ZP4: variants seen among roughly 807,000 people sequenced by gnomAD.
The protein encoded by ZP4 is zona pellucida sperm-binding protein 4.
In ZP4, 62 loss-of-function variants were observed where a neutral mutation model predicts 62.3. The ratio of observed to expected loss-of-function variants is 0.99; its 90% CI spans 0.81 to 1.23. The LOEUF is 1.23. ZP4 is among the 50% of genes most tolerant of loss of function. The probability of loss-of-function intolerance (pLI) is 0.00; values close to 1 mark genes in which losing one functional copy is unlikely to be tolerated. For synonymous variants in ZP4, 289 were observed against 247.3 expected (o/e 1.17, Z -1.58); for missense variants, 774 against 656.0 (o/e 1.18, Z -1.97).
chr1:237,883,670 AGGGCGGGGGAGGGCGGGGGAGGGCG>A (rs1664977686), intron 10 of ZP4, among the ~76,000 whole-genome samples: 1 of 3,752 alleles, frequency 2.7e-4, no homozygotes, highest in Non-Finnish European at 5.2e-4. Context: ...GGGCCGGGGG[AGGGCGGGGGAGGGCGGGGGAGGGCG>A]GGGGAGGGCG....
In ZP4 at chr1:237,890,536, A is replaced by C. The variant is rs1170716305; in HGVS notation, c.100T>G (p.Cys34Gly). 8.1e-6 allele frequency: 13 copies of C among 1,614,018 alleles called. No individual in the cohort carries two copies. The highest frequency in any genetic ancestry group is 1.1e-5 in the Non-Finnish European group (13 of 1,180,030). ...GCAAACTGGAAGCTCCACGGCCCAC[A>C]GTGGAGCACACTGGAATAATCTGGT... ...EAPDYSSVLH[C>G]GPWSFQFAVN... The change falls in exon 1 of 12, where the codon TGT becomes GGT. Residue 34 changes from cysteine to glycine, a missense_variant. Transcript: ENST00000366570.
chr1:237,887,307 T>C, intron 5 of ZP4, 67 bp downstream of exon 5: 1 of 1,549,638 alleles, frequency 6.5e-7, no homozygotes, highest in South Asian at 1.2e-5. Context: ...ATTTCAGCTC[T>C]CCCCCACTAG....
chr1:237,882,700 A>G, intron 11 of ZP4, 42 bp downstream of exon 11: 1 of 1,604,128 alleles, frequency 6.2e-7, no homozygotes, highest in Middle Eastern at 1.7e-4. Context: ...TTGATTAGTA[A>G]TTTAGTTCAC....
intron 10 of ZP4, among the ~76,000 whole-genome samples, chr1:237,883,998 ACACAC>A (rs1665019437): frequency 2.4e-5 from 2 of 82,320 alleles, no homozygotes; most frequent in African/African-American, 1.0e-4. Context: ...ACACACACAC[ACACAC>A]ACACACACAC....
chr1:237,885,580 T>C lies in ZP4; in HGVS notation c.971A>G (p.Asp324Gly). The change falls in exon 8 of 12, where the codon GAT (aspartate) becomes GGT (glycine). Residue 324 changes from aspartate (D) to glycine (G), a missense_variant and splice_region_variant. Asp to Gly is a moderately conservative substitution (Grantham distance 94). Transcript: ENST00000366570. ...PLTLELQIAKDKNYGSYYGVG... is the reference protein window; with the variant it reads ...PLTLELQIAKGKNYGSYYGVG... ...ACCGTAGTAAGAGCCATAGTTTTTA[T>C]CTGCAAGAGGCAGAAATAAGGATTT... is the stretch of plus-strand genomic sequence containing the variant. 1 of 1,612,558 alleles carries C rather than the reference T, an allele frequency of 6.2e-7. No individual in the cohort carries two copies. The highest frequency in any genetic ancestry group is 1.3e-5 in the African/African-American group (1 of 74,988).
rs767120731 is a variant in ZP4 at position 237,885,738 on chromosome 1, C to T, written c.970+18G>A. 25 of 1,613,420 alleles carry T rather than the reference C, an allele frequency of 1.5e-5. No homozygotes were observed. In the South Asian group the frequency reaches 2.1e-4, roughly 13 times the overall value. On this transcript the variant is annotated intron_variant, in intron 7 of 11. Transcript: ENST00000366570. ...GATTTAGACTATAGGCCAGATACTC[C>T]AGCCAAGGGGGTCATACCTTTGGCA...
intron 10 of ZP4, among the ~76,000 whole-genome samples, chr1:237,884,059 CACAA>C (rs1222206868): frequency 2.1e-4 from 30 of 141,784 alleles, no homozygotes; most frequent in African/African-American, 7.5e-4. Flanking sequence ...CACAAACACA[CACAA>C]ACACACACAA....
At chr1:237,890,409 G>A in intron 1 of ZP4, 52 bp downstream of exon 1, 2 of 1,569,696 alleles carry the variant, frequency 1.3e-6, no homozygotes, top group Non-Finnish European at 1.7e-6. Context: ...ATCTTAGGTA[G>A]TAGAGGAGAC....
At position 237,890,536 on chromosome 1, in the gene ZP4, A is replaced by G. The variant is rs1170716305; in HGVS notation, c.100T>C (p.Cys34Arg). 1 of 1,614,136 alleles carries G rather than the reference A, an allele frequency of 6.2e-7. No homozygotes were observed. Among genetic ancestry groups the G allele is most frequent in the Admixed American group, 1.7e-5 (1 of 60,022 alleles). The change falls in exon 1 of 12, where the codon TGT (cysteine) becomes CGT (arginine). Residue 34 changes from cysteine to arginine, a missense_variant. Transcript: ENST00000366570. ...EAPDYSSVLH[C>R]GPWSFQFAVN... ...GCAAACTGGAAGCTCCACGGCCCAC[A>G]GTGGAGCACACTGGAATAATCTGGT...
Position 237,886,809 on chromosome 1 carries a change from ATT to A in ZP4, c.799_800del (p.Asn267TrpfsTer9). ...CACGAGTGACAGAGCCACGGCTCCC[ATT>A]TTTCACATCCCTAGTTGCCACCAGT... ...NELVATRDVK[N>X]GSRGSVTRDS... is the part of the protein sequence containing the mutation. On this transcript the variant is annotated frameshift_variant, in exon 6 of 12. Transcript: ENST00000366570. LOFTEE classifies it high-confidence loss of function. The A allele has an allele frequency of 6.2e-7, 1 of 1,613,952 alleles. No homozygotes were observed. The highest frequency in any genetic ancestry group is 8.5e-7 in the Non-Finnish European group (1 of 1,179,982).
chr1:237,882,477 A>G lies in ZP4; in HGVS notation c.1568T>C (p.Val523Ala), dbSNP rs1470722753. 1 of 1,610,032 alleles carries G rather than the reference A, an allele frequency of 6.2e-7. No individual in the cohort carries two copies. Among genetic ancestry groups the G allele is most frequent in the Non-Finnish European group, 8.5e-7 (1 of 1,179,140 alleles). ...CTGTTTCTTGACAGCCAAGTAGGATACTAACAAGGCTCCAAGGATTAAGGT... is the reference window on the plus strand; with the variant it reads ...CTGTTTCTTGACAGCCAAGTAGGATGCTAACAAGGCTCCAAGGATTAAGGT... ...SGTLILGALL[V>A]SYLAVKKQKS... Residue 523 changes from valine (V) to alanine (A), a missense_variant, in exon 12 of 12, where the codon GTA becomes GCA. By Grantham distance (64) the Val-to-Ala change is moderately conservative. Coordinates refer to ENST00000366570, the MANE Select transcript of ZP4 (RefSeq NM_021186.5).
chr1:237,890,048 T>C lies in ZP4; in HGVS notation c.297+7A>G, dbSNP rs1665203291. 6.2e-7 allele frequency: 1 copy of C among 1,614,140 alleles called. No individual in the cohort carries two copies. On this transcript the variant is annotated splice_region_variant and intron_variant, in intron 2 of 11. Transcript: ENST00000366570. ...CACAGTCTCCCTGGCCATTGGGTCA[T>C]ACTCACCCACTCAGTGACATAGCAG...
At position 237,884,057 on chromosome 1, in the gene ZP4, C is replaced by CACACAA. The variant is rs1338900929; in HGVS notation, c.1390+706_1390+711dup. ...AAACACACACAAACACACACAAACA[C>CACACAA]ACACAAACACACACAAACACACACA... is the stretch of plus-strand genomic sequence containing the variant. On this transcript the variant is annotated intron_variant, in intron 10 of 11. Transcript: ENST00000366570. 2.6e-3 allele frequency among the ~76,000 whole-genome samples: 357 copies of CACACAA among 137,084 alleles called. 5 individuals carry two copies. The highest frequency in any genetic ancestry group is 0.011 in the African/African-American group (329 of 31,260). 89.9% of individuals were successfully genotyped at this position (137,084 alleles called of 152,430 possible). A position where few individuals can be genotyped will look rare whatever the true frequency, so the allele number is the denominator to read the frequency against.
intron 6 of ZP4, 104 bp from the exon 7 acceptor site, chr1:237,885,990 A>G (rs1040433895): frequency 8.0e-5 from 119 of 1,484,294 alleles, no homozygotes; most frequent in Non-Finnish European, 9.8e-5. Flanking sequence ...AGACAAGTTT[A>G]TAAGTGTGAT....
chr1:237,885,336 G>A (rs1182332820), intron 8 of ZP4, 21 bp from the exon 9 acceptor site: 1 of 1,613,092 alleles, frequency 6.2e-7, no homozygotes, highest in Non-Finnish European at 8.5e-7. Flanking sequence ...AGACCCAGCA[G>A]TCAGGATGGG....
In ZP4 at chr1:237,887,437, C is replaced by CG; in HGVS notation, c.677_678insC (p.Met227AspfsTer30). 1 of 1,614,152 alleles carries CG rather than the reference C, an allele frequency of 6.2e-7. No homozygotes were observed. Among genetic ancestry groups the CG allele is most frequent in the Admixed American group, 1.7e-5 (1 of 60,034 alleles). ...ACAGAACAAAAGCTTGTGTTGCCAT[C>CG]ACAGGGTTACACGCACTGTCATTCC... On this transcript the variant is annotated frameshift_variant, in exon 5 of 12. Coordinates refer to ENST00000366570, the MANE Select transcript of ZP4 (RefSeq NM_021186.5). LOFTEE classifies it high-confidence loss of function.
intron 4 of ZP4, 47 bp downstream of exon 4, chr1:237,888,311 T>C: frequency 6.8e-7 from 1 of 1,473,890 alleles, no homozygotes; most frequent in Non-Finnish European, 9.1e-7. Context: ...TTCATTGTAA[T>C]TGCCACACTT....
intron 3 of ZP4, among the ~76,000 whole-genome samples, chr1:237,889,421 C>A (rs997120395): frequency 6.0e-5 from 9 of 151,216 alleles, no homozygotes; most frequent in African/African-American, 2.2e-4. Context: ...CAGGTTCAAG[C>A]GATTCTCCTG....
At chr1:237,883,997 C>CACACAAACACACACAA (rs1665018669) in intron 10 of ZP4, among the ~76,000 whole-genome samples, 2 of 98,912 alleles carry the variant, frequency 2.0e-5, no homozygotes, top group African/African-American at 9.7e-5. Flanking sequence ...CACACACACA[C>CACACAAACACACACAA]ACACACACAC....
Sources: gnomAD v4.1 joint callset for allele counts (sites outside exome capture counted in the v4.1 genomes callset) on GRCh38, gnomAD v4.1.1 for gene constraint, MANE v1.5 for transcripts, NCBI Gene and HGNC (gene_info 2026-07-23, HGNC 2026-07-21) for gene names.